ERBIN: variants seen among roughly 807,000 people sequenced by gnomAD.
ERBIN encodes densin-180-like protein.
ERBIN carries 60 observed loss-of-function variants against 158.4 expected under a neutral mutation model. The observed-to-expected ratio is 0.38, with a 90% CI of 0.31 to 0.47. The LOEUF is 0.47. Ranked by LOEUF, ERBIN falls within the 20% of genes least tolerant of loss-of-function variation. The pLI is 0.99. For synonymous variants in ERBIN, 594 were observed against 557.2 expected, an observed-to-expected ratio of 1.07 and a Z score of -0.93; for missense variants, 1,610 against 1,648.0, an observed-to-expected ratio of 0.98 and a Z score of 0.40.
chr5:66,036,835 A>G (rs1177132816), intron 14 of ERBIN, among the ~76,000 whole-genome samples: 2 of 152,200 alleles, frequency 1.3e-5, no homozygotes, highest in African/African-American at 4.8e-5. Flanking sequence ...AATCGGATTA[A>G]AGATCTCTGA....
At chr5:66,011,281 G>A (rs1033988764) in intron 4 of ERBIN, among the ~76,000 whole-genome samples, 2 of 152,168 alleles carry the variant, frequency 1.3e-5, no homozygotes, top group African/African-American at 4.8e-5. Flanking sequence ...CTGCCTTCAG[G>A]CATATCCACT....
intron 1 of ERBIN, among the ~76,000 whole-genome samples, chr5:65,956,768 C>T (rs1260739278): frequency 2.6e-5 from 4 of 152,060 alleles, no homozygotes; most frequent in Non-Finnish European, 4.4e-5. Flanking sequence ...AGAATCTGCT[C>T]TAGTCTGCCA....
intron 15 of ERBIN, among the ~76,000 whole-genome samples, chr5:66,042,721 T>C (rs1758031805): frequency 6.6e-6 from 1 of 152,060 alleles, no homozygotes; most frequent in African/African-American, 2.4e-5. Flanking sequence ...ATGTATAATG[T>C]TTAATACAGT....
chr5:66,023,919 C>T (rs1007467122), intron 9 of ERBIN, among the ~76,000 whole-genome samples: 6 of 151,946 alleles, frequency 3.9e-5, no homozygotes, highest in South Asian at 2.1e-4. Flanking sequence ...CCTCATTATC[C>T]GCCTGCCTCG....
In ERBIN at chr5:66,044,315, G is replaced by GA; in HGVS notation, c.1602+9dup. ...AATAAAGATGTGGGTGTGAAGGTTAGAAAATTCAAAAGGATTAACCAAAGC... is the reference window on the plus strand; with the variant it reads ...AATAAAGATGTGGGTGTGAAGGTTAGAAAAATTCAAAAGGATTAACCAAAGC... On this transcript the variant is annotated splice_donor_region_variant and intron_variant, in intron 17 of 25. Coordinates refer to ENST00000284037, the MANE Select transcript of ERBIN (RefSeq NM_001253697.2). 6.3e-7 allele frequency: 1 copy of GA among 1,578,470 alleles called. No homozygotes were observed. The highest frequency in any genetic ancestry group is 8.6e-7 in the Non-Finnish European group (1 of 1,169,478).
At chr5:66,028,184 A>G (rs1580396909) in intron 13 of ERBIN, 90 bp from the exon 14 acceptor site, 1 of 891,678 alleles carries the variant, frequency 1.1e-6, no homozygotes, top group East Asian at 2.7e-5. Context: ...ACTATATAGC[A>G]TTTTTCAGAA....
chr5:66,018,482 ATATATTATAT>A (rs1174930282), intron 7 of ERBIN, among the ~76,000 whole-genome samples: 879 of 13,460 alleles, frequency 0.065, 324 homozygotes, highest in African/African-American at 0.32. Context: ...ATTATATATT[ATATATTATAT>A]TATATAATAT....
chr5:66,072,024 G>A (rs1761578110), intron 21 of ERBIN, 145 bp from the exon 22 acceptor site: 2 of 667,956 alleles, frequency 3.0e-6, no homozygotes, highest in East Asian at 5.7e-5. Context: ...CTAATTGATG[G>A]CAGTAATGAT....
chr5:66,031,968 A>T (rs933170145), intron 14 of ERBIN, among the ~76,000 whole-genome samples: 11 of 152,066 alleles, frequency 7.2e-5, no homozygotes, highest in African/African-American at 2.7e-4. Flanking sequence ...CAGCCTCCTG[A>T]GTATCTGGGA....
At chr5:65,994,901 G>C in intron 4 of ERBIN, 37 bp downstream of exon 4, 1 of 1,238,856 alleles carries the variant, frequency 8.1e-7, no homozygotes, top group Non-Finnish European at 1.2e-6. Flanking sequence ...TTGTACTTGG[G>C]AACATGTTTC....
chr5:65,975,625 G>A (rs1053187523), intron 1 of ERBIN, among the ~76,000 whole-genome samples: 1 of 152,184 alleles, frequency 6.6e-6, no homozygotes, highest in East Asian at 1.9e-4. Context: ...ATTGAATTTA[G>A]ATGTTTTAAG....
chr5:66,043,434 G>A lies in ERBIN; in HGVS notation c.1428+236G>A, dbSNP rs191590463. ...GTATATATAAATATAAGAGGAAAAC[G>A]TTATTATAGGCTAGAGAAATTAACC... On this transcript the variant is annotated intron_variant, in intron 16 of 25. Transcript: ENST00000284037. Among the ~76,000 whole-genome samples the A allele has an allele frequency of 3.3e-5, 5 of 152,114 alleles. No homozygotes were observed. The East Asian group carries it at 5.8e-4, about 18-fold the overall frequency.
chr5:66,063,890 A>C (rs953270445), intron 21 of ERBIN, among the ~76,000 whole-genome samples: 3 of 152,200 alleles, frequency 2.0e-5, no homozygotes, highest in African/African-American at 7.2e-5. Context: ...GTACACACAT[A>C]AAACTAACAA....
At chr5:65,965,379 GTTGTTTTT>G (rs1748457746) in intron 1 of ERBIN, among the ~76,000 whole-genome samples, 2 of 103,652 alleles carry the variant, frequency 1.9e-5, no homozygotes, top group Admixed American at 1.2e-4. Flanking sequence ...TTTGTTTTTT[GTTGTTTTT>G]TTTTTTTTTT....
intron 21 of ERBIN, among the ~76,000 whole-genome samples, chr5:66,058,011 TA>T (rs1759807141): frequency 6.6e-6 from 1 of 152,144 alleles, no homozygotes; most frequent in South Asian, 2.1e-4. Context: ...GCATGTGTCT[TA>T]ATAGCAGCAT....
chr5:66,054,586 G>A lies in ERBIN; in HGVS notation c.3268G>A (p.Asp1090Asn). The A allele has an allele frequency of 1.2e-6, 2 of 1,614,110 alleles. No individual in the cohort carries two copies. The highest frequency in any genetic ancestry group is 1.7e-6 in the Non-Finnish European group (2 of 1,180,008). The change falls in exon 21 of 26, where the codon GAT (aspartate) becomes AAT (asparagine). Residue 1090 changes from aspartate to asparagine, a missense_variant. Physicochemically the swap from Asp to Asn is conservative, Grantham distance 23. Transcript: ENST00000284037. ...VSSTASVNLG[D>N]PGSTRRAQIP... ...CTCCACAGCCTCTGTAAATCTTGGT[G>A]ATCCAGGCTCTACAAGGCGGGCTCA...
Position 66,025,909 on chromosome 5 carries a change from A to C in ERBIN, c.952A>C (p.Ile318Leu). Residue 318 changes from isoleucine to leucine, a missense_variant, in exon 12 of 26, where the codon ATT becomes CTT. Coordinates refer to ENST00000284037, the MANE Select transcript of ERBIN (RefSeq NM_001253697.2). ...FNEVEALPSS[I>L]GQLTNLRTFA... ...TGAAGTTGAAGCTTTGCCTTCATCT[A>C]TTGGGCAGCTTACTAACTTAAGAAC... The C allele has an allele frequency of 6.3e-7, 1 of 1,594,516 alleles. No individual in the cohort carries two copies. The highest frequency in any genetic ancestry group is 8.5e-7 in the Non-Finnish European group (1 of 1,170,068).
At chr5:66,025,393 T>C in intron 10 of ERBIN, 87 bp from the exon 11 acceptor site, 1 of 946,640 alleles carries the variant, frequency 1.1e-6, no homozygotes. Flanking sequence ...CTAATTCTTG[T>C]CAGATGTAGT....
At chr5:65,945,818 A>G (rs922632520) in intron 1 of ERBIN, among the ~76,000 whole-genome samples, 1 of 152,150 alleles carries the variant, frequency 6.6e-6, no homozygotes, top group African/African-American at 2.4e-5. Flanking sequence ...AGATTCCCAT[A>G]CAGTTTTAAG....
Sources: allele counts gnomAD v4.1 joint callset (sites outside exome capture counted in the v4.1 genomes callset), GRCh38; gene constraint gnomAD v4.1.1; transcripts MANE v1.5; gene names NCBI Gene and HGNC (gene_info 2026-07-23, HGNC 2026-07-21).